XPR1: variants seen among roughly 807,000 people sequenced by gnomAD.
XPR1 encodes solute carrier family 53 member 1.
A neutral mutation model predicts 87.5 loss-of-function variants in XPR1; 28 were observed. That is an observed-to-expected ratio of 0.32 (90% CI 0.24 to 0.44). The LOEUF is 0.44. Among genes scored for constraint, XPR1 ranks in the 20% least tolerant of loss-of-function variants. XPR1 has a pLI of 1.00. For synonymous variants in XPR1, 300 were observed against 306.1 expected (o/e 0.98, Z 0.21); for missense variants, 559 against 862.3 (o/e 0.65, Z 4.41).
intron 1 of XPR1, among the ~76,000 whole-genome samples, chr1:180,662,635 A>G (rs924908169): frequency 6.6e-6 from 1 of 152,086 alleles, no homozygotes; most frequent in Non-Finnish European, 1.5e-5. Flanking sequence ...TTGGTGTTCT[A>G]TAACCTTCTT....
Position 180,824,785 on chromosome 1 carries a change from T to C in XPR1, c.796T>C (p.Trp266Arg). ...TAAACTTGAAACAGATAGAAGTATATGGCCCTTGATAAGAATCTATCGGGG... is the reference window on the plus strand; with the variant it reads ...TAAACTTGAAACAGATAGAAGTATACGGCCCTTGATAAGAATCTATCGGGG... ...VFKLETDRSI[W>R]PLIRIYRGGF... The change falls in exon 8 of 15, where the codon TGG (tryptophan) becomes CGG (arginine). Residue 266 changes from tryptophan (W) to arginine (R), a missense_variant. Around this residue, in one of 7 missense-constraint regions of XPR1, gnomAD observed 39 missense variants for 38.5 expected, o/e 1.01. Coordinates refer to ENST00000367590, the MANE Select transcript of XPR1 (RefSeq NM_004736.4). The C allele has an allele frequency of 6.2e-7, 1 of 1,613,980 alleles. No homozygotes were observed. Among genetic ancestry groups the C allele is most frequent in the Non-Finnish European group, 8.5e-7 (1 of 1,179,932 alleles).
At chr1:180,842,182 A>C (rs1651538828) in intron 11 of XPR1, among the ~76,000 whole-genome samples, 5 of 152,218 alleles carry the variant, frequency 3.3e-5, no homozygotes, top group Admixed American at 3.3e-4. Context: ...AGTAAAAGAC[A>C]GTGAGGTAAC....
At chr1:180,649,325 G>A (rs970315473) in intron 1 of XPR1, among the ~76,000 whole-genome samples, 3 of 151,910 alleles carry the variant, frequency 2.0e-5, no homozygotes, top group Non-Finnish European at 2.9e-5. Flanking sequence ...CCAGCTACTC[G>A]GGAGGCTGAG....
intron 6 of XPR1, among the ~76,000 whole-genome samples, chr1:180,807,966 T>C (rs1650061799): frequency 6.6e-6 from 1 of 152,116 alleles, no homozygotes; most frequent in Non-Finnish European, 1.5e-5. Context: ...ATCGCGCCAC[T>C]GCACTGAGTG....
At chr1:180,860,558 A>G (rs1652184979) in intron 11 of XPR1, among the ~76,000 whole-genome samples, 1 of 152,224 alleles carries the variant, frequency 6.6e-6, no homozygotes, top group Non-Finnish European at 1.5e-5. Context: ...AACAACATGG[A>G]TAAATCTTTA....
intron 2 of XPR1, among the ~76,000 whole-genome samples, chr1:180,753,004 A>T (rs145316624): frequency 6.6e-6 from 1 of 152,356 alleles, no homozygotes; most frequent in African/African-American, 2.4e-5. Flanking sequence ...TTAAAAAATA[A>T]GAGCAGAAGA....
intron 1 of XPR1, among the ~76,000 whole-genome samples, chr1:180,662,347 G>A (rs138329875): frequency 1.6e-3 from 237 of 152,076 alleles, no homozygotes; most frequent in Non-Finnish European, 2.5e-3. Context: ...TTATTTGACC[G>A]GAAAAGGCTT....
rs189717820 is a variant in XPR1, at chr1:180,677,590, G to A, written c.70-4770G>A. Among the ~76,000 whole-genome samples the A allele has an allele frequency of 2.9e-3, 435 of 152,276 alleles. 3 individuals are homozygous for A. Among genetic ancestry groups the A allele is most frequent in the African/African-American group, 9.5e-3 (394 of 41,566 alleles). On this transcript the variant is annotated intron_variant, in intron 1 of 14. Coordinates refer to ENST00000367590, the MANE Select transcript of XPR1 (RefSeq NM_004736.4). ...CTGATCTTAGTTTTATAATAGCGAT[G>A]TTATCCCCAAGAGCAATTTGGGGAG...
At chr1:180,771,313 A>G (rs1648504406) in intron 2 of XPR1, among the ~76,000 whole-genome samples, 1 of 152,110 alleles carries the variant, frequency 6.6e-6, no homozygotes, top group Admixed American at 6.5e-5. Flanking sequence ...TAGGCCCTAG[A>G]CATTTTGAAT....
chr1:180,856,667 G>T (rs1652043130), intron 11 of XPR1, among the ~76,000 whole-genome samples: 1 of 152,154 alleles, frequency 6.6e-6, no homozygotes, highest in Admixed American at 6.5e-5. Context: ...ATTTTTGACT[G>T]TATCCTTCAT....
chr1:180,887,212 T>G lies in XPR1; in HGVS notation c.*3146T>G, dbSNP rs1353188604. On this transcript the variant is annotated 3_prime_UTR_variant, in exon 15 of 15. Coordinates refer to ENST00000367590, the MANE Select transcript of XPR1 (RefSeq NM_004736.4). The stretch of plus-strand genomic sequence containing the variant: ...AACAAAAAAAATCACAGACTCATTT[T>G]AAAGGAGCAGCAACCTAACCAAATA... 6.6e-6 allele frequency: 1 copy of G among 152,246 alleles called. No homozygotes were observed. The highest frequency in any genetic ancestry group is 2.4e-5 in the African/African-American group (1 of 41,458). The allele number at this position is 152,246 out of a possible 1,614,324, so 9.4% of individuals were successfully genotyped here.
chr1:180,756,517 A>G (rs12095275), intron 2 of XPR1, among the ~76,000 whole-genome samples: 3,118 of 152,318 alleles, frequency 0.02, 108 homozygotes, highest in African/African-American at 0.071. Context: ...AGAGTTCCTT[A>G]TAAATACAAG....
chr1:180,810,807 GTGTATATATA>G (rs1650184280), intron 6 of XPR1, among the ~76,000 whole-genome samples: 2 of 150,220 alleles, frequency 1.3e-5, no homozygotes, highest in African/African-American at 2.4e-5. Flanking sequence ...ATGTATATAT[GTGTATATATA>G]TGTATATATA....
intron 1 of XPR1, among the ~76,000 whole-genome samples, chr1:180,639,294 A>C (rs1183964010): frequency 6.6e-6 from 1 of 152,188 alleles, no homozygotes; most frequent in Non-Finnish European, 1.5e-5. Flanking sequence ...TCTGAAAAAA[A>C]AAAACACCCT....
In XPR1 at chr1:180,727,000, G is replaced by A. The variant is rs535800388; in HGVS notation, c.121+44589G>A. Among the ~76,000 whole-genome samples, 34 of 151,168 alleles carry A rather than the reference G, an allele frequency of 2.2e-4. No individual in the cohort carries two copies. In the South Asian group the frequency reaches 3.1e-3, roughly 14 times the overall value. On this transcript the variant is annotated intron_variant, in intron 2 of 14. Transcript: ENST00000367590. Reference sequence around the variant, plus strand: ...CGCCGTTCTCCTGCCTCAGCCTCCCGAGTAGCTGGGACTACAGGCGCCCAC... The same window carrying A: ...CGCCGTTCTCCTGCCTCAGCCTCCCAAGTAGCTGGGACTACAGGCGCCCAC...
At chr1:180,883,153 A>G (rs1257869732) in intron 14 of XPR1, among the ~76,000 whole-genome samples, 1 of 132,166 alleles carries the variant, frequency 7.6e-6, no homozygotes, top group Non-Finnish European at 1.6e-5. Flanking sequence ...TTTTTTTAAG[A>G]CAGGGTCTCA....
intron 2 of XPR1, among the ~76,000 whole-genome samples, chr1:180,762,638 A>G (rs1052365403): frequency 2.0e-5 from 3 of 152,216 alleles, no homozygotes; most frequent in African/African-American, 7.2e-5. Context: ...GCTGATCACA[A>G]AGCAGCAGAG....
At chr1:180,811,589 G>A (rs561721167) in intron 7 of XPR1, 101 bp downstream of exon 7, 1 of 908,138 alleles carries the variant, frequency 1.1e-6, no homozygotes, top group African/African-American at 1.7e-5. Flanking sequence ...CAAAGCTACT[G>A]AAAGATAAAT....
At chr1:180,815,730 G>A (rs1021153171) in intron 7 of XPR1, among the ~76,000 whole-genome samples, 5 of 151,898 alleles carry the variant, frequency 3.3e-5, no homozygotes, top group African/African-American at 9.7e-5. Flanking sequence ...TACAATAACA[G>A]TATACCATAT....
Sources: allele counts gnomAD v4.1 joint callset (sites outside exome capture counted in the v4.1 genomes callset), GRCh38; gene constraint gnomAD v4.1.1; regional missense constraint gnomAD v4.1.1; transcripts MANE v1.5; gene names NCBI Gene and HGNC (gene_info 2026-07-23, HGNC 2026-07-21).